PTPRF: variants seen among roughly 807,000 people sequenced by gnomAD.
PTPRF encodes the protein receptor-type tyrosine-protein phosphatase F.
A neutral mutation model predicts 201.8 loss-of-function variants in PTPRF; 59 were observed. The ratio of observed to expected loss-of-function variants is 0.29; its 90% CI spans 0.24 to 0.36. PTPRF has a LOEUF of 0.36. PTPRF is among the 10% of genes least tolerant of loss of function. The pLI is 1.00. For synonymous variants in PTPRF, 1,088 were observed against 1,089.7 expected (o/e 1.00, Z 0.03); for missense variants, 2,132 against 2,690.5 (o/e 0.79, Z 4.59).
intron 11 of PTPRF, among the ~76,000 whole-genome samples, chr1:43,595,753 G>T (rs79439780): frequency 6.6e-6 from 1 of 152,104 alleles, no homozygotes; most frequent in Non-Finnish European, 1.5e-5. Flanking sequence ...ACGGTGGGGG[G>T]GTTGTAGCAA....
intron 21 of PTPRF, among the ~76,000 whole-genome samples, chr1:43,608,736 T>A (rs138779537): frequency 3.2e-4 from 49 of 152,330 alleles, no homozygotes; most frequent in African/African-American, 1.2e-3. Context: ...CATGTCCTTG[T>A]ACCCACCTGA....
At chr1:43,545,405 G>A (rs1644597896) in intron 3 of PTPRF, among the ~76,000 whole-genome samples, 1 of 152,136 alleles carries the variant, frequency 6.6e-6, no homozygotes, top group Non-Finnish European at 1.5e-5. Context: ...CCTGTCTTAT[G>A]GGGCTGGGGT....
chr1:43,618,106 G>T (rs1658315706), intron 25 of PTPRF, among the ~76,000 whole-genome samples, 195 bp downstream of exon 25: 1 of 152,244 alleles, frequency 6.6e-6, no homozygotes, highest in East Asian at 1.9e-4. Context: ...CCACATGCTA[G>T]TGGGTTCCTT....
intron 2 of PTPRF, among the ~76,000 whole-genome samples, chr1:43,541,117 A>C (rs577841298): frequency 6.6e-6 from 1 of 152,248 alleles, no homozygotes; most frequent in Non-Finnish European, 1.5e-5. Context: ...TCTGCTCTGT[A>C]GGGCCCTGGA....
Position 43,620,007 on chromosome 1 carries a change from G to T in PTPRF, c.5112-88G>T, listed in dbSNP as rs138487317. On this transcript the variant is annotated intron_variant, in intron 29 of 33. Transcript: ENST00000359947. ...GGACTTCCTGGAGGAGGGGTGATCT[G>T]AGCAGGGCCCCAAGGGGCTAGGCAG... The T allele has an allele frequency of 6.1e-4, 973 of 1,588,114 alleles. 10 individuals are homozygous for T. The African/African-American group carries it at 0.012, about 19-fold the overall frequency.
At chr1:43,605,671 G>A (rs764965080) in intron 19 of PTPRF, 49 bp downstream of exon 19, 1 of 1,552,636 alleles carries the variant, frequency 6.4e-7, no homozygotes, top group Non-Finnish European at 8.9e-7. Context: ...GCAGTGGTCA[G>A]CTGTGGCCTT....
At position 43,617,469 on chromosome 1, in the gene PTPRF, A is replaced by G; in HGVS notation, c.4096A>G (p.Thr1366Ala). ...GTCCATCGACCCTGGACAGCAGTTCACGTGGGAGAATTCAAACCTGGAGGT... is the reference window on the plus strand; with the variant it reads ...GTCCATCGACCCTGGACAGCAGTTCGCGTGGGAGAATTCAAACCTGGAGGT... ...YESIDPGQQFTWENSNLEVNK... is the reference protein window; with the variant it reads ...YESIDPGQQFAWENSNLEVNK... Residue 1366 changes from threonine (T) to alanine (A), a missense_variant, in exon 24 of 34, where the codon ACG (threonine) becomes GCG (alanine). Around this residue, in one of 6 missense-constraint regions of PTPRF, gnomAD observed 818 missense variants for 915.3 expected, o/e 0.89. Transcript: ENST00000359947. 4 of 1,614,132 alleles carry G rather than the reference A, an allele frequency of 2.5e-6. No homozygotes were observed. The highest frequency in any genetic ancestry group is 3.4e-6 in the Non-Finnish European group (4 of 1,180,004).
At chr1:43,614,238 A>T (rs1389126700) in intron 23 of PTPRF, among the ~76,000 whole-genome samples, 1 of 152,186 alleles carries the variant, frequency 6.6e-6, no homozygotes, top group African/African-American at 2.4e-5. Flanking sequence ...CAAACAGCTG[A>T]TGAGTAGTGG....
intron 1 of PTPRF, among the ~76,000 whole-genome samples, chr1:43,535,681 G>A (rs562396101): frequency 7.2e-5 from 11 of 152,326 alleles, no homozygotes; most frequent in Admixed American, 1.3e-4. Flanking sequence ...CCAGCCCTGC[G>A]TTGGCCCCAA....
intron 2 of PTPRF, among the ~76,000 whole-genome samples, chr1:43,543,816 C>A (rs1490157178): frequency 6.6e-6 from 1 of 152,084 alleles, no homozygotes; most frequent in Non-Finnish European, 1.5e-5. Context: ...GGCCCCAAGG[C>A]GTGTTCACCG....
At chr1:43,550,126 C>T (rs1644927027) in intron 3 of PTPRF, among the ~76,000 whole-genome samples, 1 of 150,864 alleles carries the variant, frequency 6.6e-6, no homozygotes, top group African/African-American at 2.4e-5. Flanking sequence ...CCCCGGGCTG[C>T]CTTGGGCCAG....
Position 43,622,427 on chromosome 1 carries a change from T to A in PTPRF, c.*424T>A, listed in dbSNP as rs1389416053. ...TCTGCAGAATGGGCCACTGTAGGGG[T>A]TGGGGTTTATTTTGTTTTGTTTTTT... On this transcript the variant is annotated 3_prime_UTR_variant, in exon 34 of 34. Coordinates refer to ENST00000359947, the MANE Select transcript of PTPRF (RefSeq NM_002840.5). 1.2e-5 allele frequency: 2 copies of A among 168,566 alleles called. No individual in the cohort carries two copies. Among genetic ancestry groups the A allele is most frequent in the African/African-American group, 2.4e-5 (1 of 41,908 alleles). The allele number at this position is 168,566 out of a possible 1,614,324, so 10.4% of individuals were successfully genotyped here.
chr1:43,613,799 T>C (rs572016307), intron 23 of PTPRF, 84 bp downstream of exon 23: 74 of 1,244,294 alleles, frequency 5.9e-5, no homozygotes, highest in Non-Finnish European at 3.7e-5. Context: ...CCAGCTGTGG[T>C]GGGTGAGGAA....
chr1:43,592,863 C>T (rs933180394), intron 11 of PTPRF, among the ~76,000 whole-genome samples: 1 of 152,156 alleles, frequency 6.6e-6, no homozygotes, highest in South Asian at 2.1e-4. Context: ...CCACACACTG[C>T]CCAGGTAAGT....
At chr1:43,590,191 G>A (rs1650302274) in intron 8 of PTPRF, among the ~76,000 whole-genome samples, 1 of 152,116 alleles carries the variant, frequency 6.6e-6, no homozygotes, top group South Asian at 2.1e-4. Flanking sequence ...CCAGGCCTCA[G>A]CTTGGTGATG....
At chr1:43,549,389 A>T (rs1328544153) in intron 3 of PTPRF, among the ~76,000 whole-genome samples, 1 of 152,118 alleles carries the variant, frequency 6.6e-6, no homozygotes, top group Non-Finnish European at 1.5e-5. Flanking sequence ...GCAGGCTCCT[A>T]CAGCAGCTTG....
chr1:43,556,342 A>G (rs943929476), intron 5 of PTPRF, among the ~76,000 whole-genome samples: 6 of 147,196 alleles, frequency 4.1e-5, no homozygotes, highest in African/African-American at 1.3e-4. Context: ...GCTCACTGCA[A>G]CCTCCACCTC....
chr1:43,614,969 T>G (rs1657393119), intron 23 of PTPRF, among the ~76,000 whole-genome samples: 1 of 152,234 alleles, frequency 6.6e-6, no homozygotes. Flanking sequence ...TCGTTCTGCC[T>G]TGTCCACAGC....
In PTPRF at chr1:43,553,457, G is replaced by C; in HGVS notation, c.92-35G>C. 3 of 1,604,566 alleles carry C rather than the reference G, an allele frequency of 1.9e-6. No homozygotes were observed. Among genetic ancestry groups the C allele is most frequent in the Non-Finnish European group, 2.6e-6 (3 of 1,172,736 alleles). ...CTCACTGGCCATTCCTATAGTGACTGTGCTGTGGTGACTTGGTGTCTCCAT... is the reference window on the plus strand; with the variant it reads ...CTCACTGGCCATTCCTATAGTGACTCTGCTGTGGTGACTTGGTGTCTCCAT... On this transcript the variant is annotated intron_variant, in intron 3 of 33. Coordinates refer to ENST00000359947, the MANE Select transcript of PTPRF (RefSeq NM_002840.5). The surrounding 1 kb of genome is among the most constrained non-coding windows in gnomAD (Gnocchi z 4.1).
Sources: allele counts gnomAD v4.1 joint callset (sites outside exome capture counted in the v4.1 genomes callset), GRCh38; gene constraint gnomAD v4.1.1; regional missense constraint gnomAD v4.1.1; non-coding constraint Gnocchi (gnomAD v3.1); transcripts MANE v1.5; gene names NCBI Gene and HGNC (gene_info 2026-07-23, HGNC 2026-07-21).